The following TMOD2 variants were observed in gnomAD, a reference collection of about 807,000 sequenced individuals.
TMOD2 encodes tropomodulin-2.
In TMOD2, 22 loss-of-function variants were observed where a neutral mutation model predicts 39.9. That is an observed-to-expected ratio of 0.55 (90% CI 0.39 to 0.79). TMOD2 has a LOEUF of 0.79. Among genes scored for constraint, TMOD2 ranks in the 30% least tolerant of loss-of-function variants. The pLI is 0.00. For missense variants in TMOD2, 386 were observed against 413.3 expected, an observed-to-expected ratio of 0.93 and a Z score of 0.57; for synonymous variants, 123 against 146.1, an observed-to-expected ratio of 0.84 and a Z score of 1.14.
At chr15:51,799,727 G>A (rs1198094787) in intron 8 of TMOD2, among the ~76,000 whole-genome samples, 11 of 152,154 alleles carry the variant, frequency 7.2e-5, no homozygotes, top group African/African-American at 2.7e-4. Flanking sequence ...ATCAGGGTGT[G>A]GGGGAGTAAG....
intron 7 of TMOD2, among the ~76,000 whole-genome samples, chr15:51,787,366 G>A (rs551252647): frequency 5.3e-5 from 8 of 152,366 alleles, no homozygotes; most frequent in African/African-American, 1.7e-4. Context: ...ACTGGGCGGG[G>A]CCCACCACAG....
intron 1 of TMOD2, among the ~76,000 whole-genome samples, chr15:51,757,036 A>T (rs1454766805): frequency 6.6e-6 from 1 of 152,208 alleles, no homozygotes; most frequent in Non-Finnish European, 1.5e-5. Context: ...GTTTTAGAAA[A>T]TGTGGATTTG....
At chr15:51,771,028 G>C (rs1567237512) in intron 3 of TMOD2, among the ~76,000 whole-genome samples, 1 of 152,296 alleles carries the variant, frequency 6.6e-6, no homozygotes, top group East Asian at 1.9e-4. Flanking sequence ...TCTTAGTGTA[G>C]AGGTCTGAGG....
chr15:51,797,162 T>C (rs1322654458), intron 7 of TMOD2, among the ~76,000 whole-genome samples: 1 of 152,236 alleles, frequency 6.6e-6, no homozygotes, highest in Non-Finnish European at 1.5e-5. Context: ...AATACTGTAC[T>C]TCATTCCTGG....
chr15:51,807,054 TCTGTTAGGATGAGGTGGGGCATGTC>T (rs1314459271), intron 9 of TMOD2, among the ~76,000 whole-genome samples: 3 of 152,242 alleles, frequency 2.0e-5, no homozygotes, highest in Admixed American at 2.0e-4. Flanking sequence ...TGGCATTTCT[TCTGTTAGGATGAGGTGGGGCATGTC>T]CTGATCAACC....
Position 51,809,101 on chromosome 15 carries a change from A to T in TMOD2, c.*647A>T, listed in dbSNP as rs906711008. The T allele has an allele frequency of 1.3e-5, 2 of 152,638 alleles. No homozygotes were observed. Among genetic ancestry groups the T allele is most frequent in the African/African-American group, 4.8e-5 (2 of 41,462 alleles). 9.5% of individuals were successfully genotyped at this position (152,638 alleles called of 1,614,324 possible). A position where few individuals can be genotyped will look rare whatever the true frequency, so the allele number is the denominator to read the frequency against. On this transcript the variant is annotated 3_prime_UTR_variant, in exon 10 of 10. Coordinates refer to ENST00000249700, the MANE Select transcript of TMOD2 (RefSeq NM_014548.4). ...AGTCTATTTATTAACCCACAAATGT[A>T]GCATCAAGCCAGACTCACAGGTAGC...
At chr15:51,770,335 ATGACAGC>A (rs2055844792) in intron 3 of TMOD2, among the ~76,000 whole-genome samples, 1 of 152,096 alleles carries the variant, frequency 6.6e-6, no homozygotes, top group African/African-American at 2.4e-5. Flanking sequence ...TCTCTCTATC[ATGACAGC>A]TGCTTATTGC....
At position 51,774,281 on chromosome 15, in the gene TMOD2, A is replaced by G. The variant is rs118065718; in HGVS notation, c.406+447A>G. Among the ~76,000 whole-genome samples the G allele has an allele frequency of 1.7e-3, 264 of 152,320 alleles. 11 individuals carry two copies. The highest frequency in any genetic ancestry group is 0.017 in the East Asian group (88 of 5,184). On this transcript the variant is annotated intron_variant, in intron 4 of 9. Coordinates refer to ENST00000249700, the MANE Select transcript of TMOD2 (RefSeq NM_014548.4). ...TAGTCTTAACAATAGCAACATGATAATAATTATTATTATTTAAAATGCAGA... is the reference window on the plus strand; with the variant it reads ...TAGTCTTAACAATAGCAACATGATAGTAATTATTATTATTTAAAATGCAGA...
chr15:51,790,910 C>T (rs1310879015), intron 7 of TMOD2, among the ~76,000 whole-genome samples: 1 of 152,126 alleles, frequency 6.6e-6, no homozygotes, highest in Non-Finnish European at 1.5e-5. Flanking sequence ...ACTGAATGGG[C>T]AAAAACTGGA....
chr15:51,788,117 A>G, intron 7 of TMOD2, among the ~76,000 whole-genome samples: 1 of 152,220 alleles, frequency 6.6e-6, no homozygotes, highest in East Asian at 1.9e-4. Context: ...ACGAATGGCT[A>G]AATAGAATAA....
chr15:51,774,809 A>C (rs2055876341), intron 4 of TMOD2, among the ~76,000 whole-genome samples: 1 of 152,126 alleles, frequency 6.6e-6, no homozygotes, highest in Non-Finnish European at 1.5e-5. Flanking sequence ...GGGTTGCCTC[A>C]TGGTCTCTAC....
rs988074210 is a variant in TMOD2 at position 51,810,895 on chromosome 15, A to C, written c.*2441A>C. On this transcript the variant is annotated 3_prime_UTR_variant, in exon 10 of 10. Transcript: ENST00000249700. ...AACTCTGGCAGAAAGCAAGAAAAAA[A>C]GAATCAGAATTCAATCATGGCTGTT... The C allele has an allele frequency of 6.6e-6, 1 of 151,952 alleles. No homozygotes were observed. Among genetic ancestry groups the C allele is most frequent in the African/African-American group, 2.4e-5 (1 of 41,364 alleles). The allele number at this position is 151,952 out of a possible 1,614,324, so 9.4% of individuals were successfully genotyped here. A position where few individuals can be genotyped will look rare whatever the true frequency, so the allele number is the denominator to read the frequency against.
rs753526892 is a variant in TMOD2, at chr15:51,808,429, A to G, written c.1031A>G (p.Lys344Arg). Reference sequence around the variant, plus strand: ...TTTCTTTCTTACCTAGTTCGTAAGAAGAGAGTTGAAGCAGACCGAAGGTAA... The same window carrying G: ...TTTCTTTCTTACCTAGTTCGTAAGAGGAGAGTTGAAGCAGACCGAAGGTAA... ...ITKNNDLVRK[K>R]RVEADRR The change falls in exon 10 of 10, where the codon AAG becomes AGG. Residue 344 changes from lysine (K) to arginine (R), a missense_variant. Physicochemically the swap from Lys to Arg is conservative, Grantham distance 26. Transcript: ENST00000249700. 6 of 1,612,560 alleles carry G rather than the reference A, an allele frequency of 3.7e-6. No individual in the cohort carries two copies. The East Asian group carries it at 1.3e-4, about 36-fold the overall frequency.
chr15:51,794,312 T>C (rs911090080), intron 7 of TMOD2, among the ~76,000 whole-genome samples: 5 of 152,272 alleles, frequency 3.3e-5, no homozygotes, highest in Non-Finnish European at 7.3e-5. Flanking sequence ...TCCTTCTTCC[T>C]GTCTTTTCCA....
At chr15:51,766,350 TTG>T (rs1390580112) in intron 1 of TMOD2, 21 bp from the exon 2 acceptor site, 6 of 1,230,992 alleles carry the variant, frequency 4.9e-6, no homozygotes, top group Non-Finnish European at 6.8e-6. Flanking sequence ...TTCTTTTTTA[TTG>T]TGTTTCTTTT....
intron 6 of TMOD2, among the ~76,000 whole-genome samples, chr15:51,782,218 CA>C (rs1404201174): frequency 5.9e-5 from 9 of 151,968 alleles, no homozygotes; most frequent in African/African-American, 2.2e-4. Flanking sequence ...GGTGAGCCAC[CA>C]AATATCATTG....
intron 1 of TMOD2, among the ~76,000 whole-genome samples, chr15:51,757,560 G>A (rs761032962): frequency 4.7e-4 from 71 of 152,164 alleles, no homozygotes; most frequent in Middle Eastern, 3.4e-3. Flanking sequence ...TCCTGTACTT[G>A]CCCACCAGGA....
At chr15:51,788,341 C>G (rs903572455) in intron 7 of TMOD2, among the ~76,000 whole-genome samples, 1 of 152,058 alleles carries the variant, frequency 6.6e-6, no homozygotes, top group Non-Finnish European at 1.5e-5. Flanking sequence ...TGAAAAGAAA[C>G]GAACAAAGCC....
chr15:51,798,180 T>C lies in TMOD2; in HGVS notation c.733-17T>C, dbSNP rs559067817. 8.3e-6 allele frequency: 13 copies of C among 1,566,012 alleles called. No individual in the cohort carries two copies. Among genetic ancestry groups the C allele is most frequent in the Middle Eastern group, 1.7e-4 (1 of 5,838 alleles). ...TTCTAACTTAATTCTAAGTTTTTTTTCTTTTTGCATCATAAGGCTTTTGCA... is the reference window on the plus strand; with the variant it reads ...TTCTAACTTAATTCTAAGTTTTTTTCCTTTTTGCATCATAAGGCTTTTGCA... On this transcript the variant is annotated splice_polypyrimidine_tract_variant and intron_variant, in intron 7 of 9. Transcript: ENST00000249700.
Sources: allele counts gnomAD v4.1 joint callset (sites outside exome capture counted in the v4.1 genomes callset), GRCh38; gene constraint gnomAD v4.1.1; transcripts MANE v1.5; gene names NCBI Gene and HGNC (gene_info 2026-07-23, HGNC 2026-07-21).